The following EHMT2 variants were observed in gnomAD, a reference collection of about 807,000 sequenced individuals.
EHMT2 encodes euchromatic histone lysine methyltransferase 2, also known as histone-lysine N-methyltransferase EHMT2.
In EHMT2, 59 loss-of-function variants were observed where a neutral mutation model predicts 143.3. The ratio of observed to expected loss-of-function variants is 0.41; its 90% CI spans 0.33 to 0.51. The LOEUF (loss-of-function observed/expected upper bound fraction) is 0.51. Among genes scored for constraint, EHMT2 ranks in the 20% least tolerant of loss-of-function variants. The pLI, the probability that EHMT2 is intolerant of heterozygous loss-of-function variation, is 0.18. For missense variants in EHMT2, 1,174 were observed against 1,645.9 expected (o/e 0.71, Z 4.96); for synonymous variants, 604 against 651.5 (o/e 0.93, Z 1.11).
rs904306318 is a variant in EHMT2 at position 31,880,420 on chromosome 6, G to A, written c.3453-156C>T. Reference sequence around the variant, plus strand: ...CCCTTGTATGTTCTATGGACTTTCAGCATCAGCATTGCCTGGGGACTTTTT... The same window carrying A: ...CCCTTGTATGTTCTATGGACTTTCAACATCAGCATTGCCTGGGGACTTTTT... On this transcript the variant is annotated intron_variant, in intron 27 of 27. Coordinates refer to ENST00000375537, the Ensembl canonical transcript of EHMT2. The surrounding 1 kb of genome is among the most constrained non-coding windows in gnomAD (Gnocchi z 6.6). 6.5e-6 allele frequency: 6 copies of A among 922,180 alleles called. No individual in the cohort carries two copies. In the East Asian group the frequency reaches 1.6e-4, roughly 24 times the overall value. The allele number at this position is 922,180 out of a possible 1,614,324, so 57.1% of individuals were successfully genotyped here.
intron 4 of EHMT2, chr6:31,893,190 T>G (rs896653778): frequency 3.8e-6 from 2 of 523,304 alleles, no homozygotes; most frequent in African/African-American, 3.8e-5. Flanking sequence ...CTTTTATATG[T>G]GGCCATATAC....
Position 31,881,206 on chromosome 6 carries a change from T to G in EHMT2, c.3198-114A>C. 1 of 937,266 alleles carries G rather than the reference T, an allele frequency of 1.1e-6. No homozygotes were observed. Among genetic ancestry groups the G allele is most frequent in the Non-Finnish European group, 1.7e-6 (1 of 581,184 alleles). The allele number at this position is 937,266 out of a possible 1,614,324, so 58.1% of individuals were successfully genotyped here. A position where few individuals can be genotyped will look rare whatever the true frequency, so the allele number is the denominator to read the frequency against. ...ATCTGGAATGGGCAGGGCTGGCAGGTGTGGGGAAGGGAAGGCCTGGAGCAG... is the reference window on the plus strand; with the variant it reads ...ATCTGGAATGGGCAGGGCTGGCAGGGGTGGGGAAGGGAAGGCCTGGAGCAG... On this transcript the variant is annotated intron_variant, in intron 25 of 27. Coordinates refer to ENST00000375537, the Ensembl canonical transcript of EHMT2. This position sits in a 1 kb window ranked among gnomAD's most constrained non-coding sequence, Gnocchi z 4.8.
chr6:31,887,187 T>C (rs1764982509), intron 15 of EHMT2, 86 bp from the exon 16 acceptor site: 2 of 1,157,146 alleles, frequency 1.7e-6, no homozygotes, highest in Non-Finnish European at 2.5e-6. Flanking sequence ...TCAGGAAGGC[T>C]TCTCAGGGCC....
rs762228281 is a variant in EHMT2 at position 31,888,711 on chromosome 6, C to T, written c.1253G>A (p.Arg418Gln). ...GCACAGGGGCAACTCCTCAAACCCT[C>T]GCTCTGTCTCCAGCGAAGATGTGTC... is the stretch of plus-strand genomic sequence containing the variant. Residue 418 changes from arginine (R) to glutamine (Q), a missense_variant, in exon 11 of 28, where the codon CGA becomes CAA. Around this residue, in one of 6 missense-constraint regions of EHMT2, gnomAD observed 608 missense variants for 903.7 expected, o/e 0.67. Transcript: ENST00000375537. The surrounding 1 kb of genome is among the most constrained non-coding windows in gnomAD (Gnocchi z 7.4). The T allele has an allele frequency of 1.6e-5, 26 of 1,613,604 alleles. No individual in the cohort carries two copies. Among genetic ancestry groups the T allele is most frequent in the South Asian group, 8.8e-5 (8 of 91,094 alleles).
chr6:31,897,219 A>AGAGGAG, intron 1 of EHMT2: 1 of 1,233,728 alleles, frequency 8.1e-7, no homozygotes, highest in Non-Finnish European at 1.0e-6. Flanking sequence ...GGCCGAGAGA[A>AGAGGAG]GAGGAGGGGG....
In EHMT2 at chr6:31,892,503, G is replaced by A. The variant is rs556582612; in HGVS notation, c.768C>T (p.Pro256=). Residue 256 remains proline (P), a synonymous_variant, in exon 7 of 28, where the codon CCC becomes CCT. Transcript: ENST00000375537. ...CCGTCTCCCACTCCTCCAGGGACCC[G>A]GGGTCCCCTTTCGTCAGGGTCACTT... The A allele has an allele frequency of 2.5e-4, 408 of 1,612,888 alleles. 7 individuals carry two copies. The South Asian group carries it at 3.6e-3, about 14-fold the overall frequency.
intron 1 of EHMT2, chr6:31,897,275 T>G (rs1766668693): frequency 1.3e-6 from 1 of 782,602 alleles, no homozygotes; most frequent in Non-Finnish European, 1.7e-6. Flanking sequence ...TCCTCCCGGC[T>G]GCACGCGCCG....
exon 3 of EHMT2, chr6:31,896,763 G>A: frequency 6.2e-7 from 1 of 1,613,102 alleles, no homozygotes; most frequent in Non-Finnish European, 8.5e-7. Context: ...GCTCCAGGGA[G>A]TCGGGGGTGG....
chr6:31,879,874 G>A, exon 28 of EHMT2: 1 of 590,970 alleles, frequency 1.7e-6, no homozygotes, highest in Non-Finnish European at 3.0e-6. Flanking sequence ...GGCCAGCCCT[G>A]AAGTTGCCCT....
At chr6:31,886,179 C>T (rs1208376721) in intron 18 of EHMT2, 2 of 190,332 alleles carry the variant, frequency 1.1e-5, no homozygotes, top group African/African-American at 4.7e-5. Flanking sequence ...GCTGAAAGGT[C>T]AGGAGGCTCT....
chr6:31,897,190 G>A, intron 1 of EHMT2: 6 of 1,286,222 alleles, frequency 4.7e-6, no homozygotes, highest in Non-Finnish European at 5.9e-6. Flanking sequence ...CTCCCTCTCG[G>A]TAGACCCCGC....
chr6:31,889,354 G>A lies in EHMT2; in HGVS notation c.1000-12C>T. 1 of 1,610,236 alleles carries A rather than the reference G, an allele frequency of 6.2e-7. No homozygotes were observed. Among genetic ancestry groups the A allele is most frequent in the South Asian group, 1.1e-5 (1 of 90,958 alleles). On this transcript the variant is annotated splice_polypyrimidine_tract_variant and intron_variant, in intron 8 of 27. Transcript: ENST00000375537. This position sits in a 1 kb window ranked among gnomAD's most constrained non-coding sequence, Gnocchi z 5.1. Reference sequence around the variant, plus strand: ...CCACTGGAACCACTCTGGGAAGGGGGAGGAGGAGGAGTTAGGAACCCTCAC... The same window carrying A: ...CCACTGGAACCACTCTGGGAAGGGGAAGGAGGAGGAGTTAGGAACCCTCAC...
rs1765878407 is a variant in EHMT2, at chr6:31,892,803, CG to C, written c.667+22del. 3 of 1,612,026 alleles carry C rather than the reference CG, an allele frequency of 1.9e-6. No individual in the cohort carries two copies. The African/African-American group carries it at 4.0e-5, about 21-fold the overall frequency. On this transcript the variant is annotated intron_variant, in intron 5 of 27. Coordinates refer to ENST00000375537, the Ensembl canonical transcript of EHMT2. ...TTCAGAACAGACCACATCAAGCCAC[CG>C]GGGGTGGGGGATGGGACTGACCTGA...
At chr6:31,897,144 G>GCCGCACGACCCCTCCCCCGGGC in intron 1 of EHMT2, 155 bp from the exon 2 acceptor site, 2 of 1,371,330 alleles carry the variant, frequency 1.5e-6, no homozygotes, top group South Asian at 1.8e-5. Flanking sequence ...GCCCGGAGGG[G>GCCGCACGACCCCTCCCCCGGGC]CCGCACGACC....
chr6:31,896,157 G>A, intron 4 of EHMT2, 106 bp downstream of exon 4: 1 of 1,471,440 alleles, frequency 6.8e-7, no homozygotes, highest in Non-Finnish European at 9.1e-7. Context: ...GCAGCCCCTT[G>A]CTTAAATATG....
At position 31,883,170 on chromosome 6, in the gene EHMT2, T is replaced by G. The variant is rs147730986; in HGVS notation, c.2995-161A>C. 31 of 855,780 alleles carry G rather than the reference T, an allele frequency of 3.6e-5. No homozygotes were observed. The highest frequency in any genetic ancestry group is 5.1e-5 in the Non-Finnish European group (27 of 534,044). The allele number at this position is 855,780 out of a possible 1,614,324, so 53.0% of individuals were successfully genotyped here. A position where few individuals can be genotyped will look rare whatever the true frequency, so the allele number is the denominator to read the frequency against. Reference sequence around the variant, plus strand: ...AAATGCAGGAGCATCATCCCTGGTTTGCATAGACCTGGGCACACGCCCATC... The same window carrying G: ...AAATGCAGGAGCATCATCCCTGGTTGGCATAGACCTGGGCACACGCCCATC... On this transcript the variant is annotated intron_variant, in intron 23 of 27. Transcript: ENST00000375537. This position sits in a 1 kb window ranked among gnomAD's most constrained non-coding sequence, Gnocchi z 5.6.
chr6:31,893,635 C>G (rs1765987683), intron 4 of EHMT2: 1 of 265,482 alleles, frequency 3.8e-6, no homozygotes, highest in African/African-American at 2.2e-5. Context: ...TTCTTTTAAA[C>G]TTCTTTTAGA....
intron 15 of EHMT2, 26 bp from the exon 16 acceptor site, chr6:31,887,127 G>C (rs775264510): frequency 2.6e-6 from 4 of 1,568,314 alleles, no homozygotes; most frequent in Non-Finnish European, 2.6e-6. Context: ...GCCACACCGG[G>C]AGAGGGAGGG....
chr6:31,888,949 T>C lies in EHMT2; in HGVS notation c.1216+20A>G. The C allele has an allele frequency of 6.3e-7, 1 of 1,585,628 alleles. No homozygotes were observed. Among genetic ancestry groups the C allele is most frequent in the Non-Finnish European group, 8.6e-7 (1 of 1,166,878 alleles). ...GAGGTCGCCCCCTAGTGGCTCCCTG[T>C]CCCGGCAATTGGCAATTACCAGCGT... is the stretch of plus-strand genomic sequence containing the variant. On this transcript the variant is annotated intron_variant, in intron 10 of 27. Transcript: ENST00000375537. This position sits in a 1 kb window ranked among gnomAD's most constrained non-coding sequence, Gnocchi z 7.4.
Sources: gnomAD v4.1 joint callset for allele counts on GRCh38, gnomAD v4.1.1 for gene constraint, gnomAD v4.1.1 regional missense constraint, Gnocchi (gnomAD v3.1) non-coding constraint, MANE v1.5 for transcripts, NCBI Gene and HGNC (gene_info 2026-07-23, HGNC 2026-07-21) for gene names.